The following PHLPP2 variants were observed in gnomAD, a reference collection of about 807,000 sequenced individuals.
PHLPP2 encodes the protein PH domain leucine-rich repeat-containing protein phosphatase 2.
A neutral mutation model predicts 124.9 loss-of-function variants in PHLPP2; 66 were observed. The ratio of observed to expected loss-of-function variants is 0.53; its 90% CI spans 0.43 to 0.65. The LOEUF (loss-of-function observed/expected upper bound fraction) is 0.65, where lower values mean the gene tolerates loss of function less well. Ranked by LOEUF, PHLPP2 falls within the 30% of genes least tolerant of loss-of-function variation. The pLI is 0.00. For missense variants in PHLPP2, 1,685 were observed against 1,600.4 expected (o/e 1.05, Z -0.90); for synonymous variants, 681 against 624.7 (o/e 1.09, Z -1.34).
At chr16:71,653,136 A>C (rs1596986938) in intron 17 of PHLPP2, 115 bp from the exon 18 acceptor site, 1 of 654,618 alleles carries the variant, frequency 1.5e-6, no homozygotes. Context: ...GTGATCGTGA[A>C]CCAGCCTTAC....
intron 1 of PHLPP2, among the ~76,000 whole-genome samples, chr16:71,722,369 G>C (rs1023853746): frequency 1.3e-5 from 2 of 152,168 alleles, no homozygotes; most frequent in Admixed American, 6.5e-5. Flanking sequence ...TGGAGGCAGA[G>C]GTTGCAGAGA....
chr16:71,697,387 G>C (rs1478150088), intron 3 of PHLPP2, among the ~76,000 whole-genome samples: 1 of 151,994 alleles, frequency 6.6e-6, no homozygotes, highest in African/African-American at 2.4e-5. Flanking sequence ...CCATACAATG[G>C]AAGAAAATTT....
chr16:71,716,907 T>C lies in PHLPP2; in HGVS notation c.-6-2106A>G, dbSNP rs998330427. Among the ~76,000 whole-genome samples the C allele has an allele frequency of 2.6e-5, 4 of 152,360 alleles. No homozygotes were observed. The East Asian group carries it at 5.8e-4, about 22-fold the overall frequency. Reference sequence around the variant, plus strand: ...TTCTTCACCTTGAGTACACCTCTAATACTACATCGATGACAATGGGTTTTA... The same window carrying C: ...TTCTTCACCTTGAGTACACCTCTAACACTACATCGATGACAATGGGTTTTA... On this transcript the variant is annotated intron_variant, in intron 1 of 18. Coordinates refer to ENST00000568954, the MANE Select transcript of PHLPP2 (RefSeq NM_015020.3).
chr16:71,692,073 T>C (rs1171381985), intron 3 of PHLPP2, among the ~76,000 whole-genome samples: 2 of 151,986 alleles, frequency 1.3e-5, no homozygotes, highest in African/African-American at 4.8e-5. Flanking sequence ...TATTATTACA[T>C]AATTTTTTTT....
rs142472702 is a variant in PHLPP2 at position 71,652,887 on chromosome 16, C to T, written c.2720G>A (p.Arg907Gln). The T allele has an allele frequency of 6.6e-4, 1,059 of 1,614,110 alleles. No individual in the cohort carries two copies. Among genetic ancestry groups the T allele is most frequent in the Non-Finnish European group, 8.5e-4 (1,005 of 1,180,022 alleles). Residue 907 changes from arginine (R) to glutamine (Q), a missense_variant, in exon 18 of 19, where the codon CGA becomes CAA. Arg to Gln is a conservative substitution (Grantham distance 43). Coordinates refer to ENST00000568954, the MANE Select transcript of PHLPP2 (RefSeq NM_015020.3). Reference sequence around the variant, plus strand: ...AGAGAGGGGCACTGGCTTCCCACCTCGGCACAGGACTGCTTGGCACGTGCC... The same window carrying T: ...AGAGAGGGGCACTGGCTTCCCACCTTGGCACAGGACTGCTTGGCACGTGCC... ...NVGTCQAVLC[R>Q]GGKPVPLSKV...
intron 1 of PHLPP2, among the ~76,000 whole-genome samples, chr16:71,722,134 T>A (rs1199461268): frequency 6.6e-6 from 1 of 152,118 alleles, no homozygotes; most frequent in Non-Finnish European, 1.5e-5. Flanking sequence ...CTCAGCTACT[T>A]AACAAAACTG....
Position 71,724,588 on chromosome 16 carries a change from T to A in PHLPP2, c.-266A>T, listed in dbSNP as rs1264184871. 1 of 152,264 alleles carries A rather than the reference T, an allele frequency of 6.6e-6. No homozygotes were observed. Among genetic ancestry groups the A allele is most frequent in the Non-Finnish European group, 1.5e-5 (1 of 68,066 alleles). 9.4% of individuals were successfully genotyped at this position (152,264 alleles called of 1,614,324 possible). ...CTTCTTTTCTTTTCTTTGTTTTGTT[T>A]TTCTTTTCGTTCTCGCAGTGATAGT... On this transcript the variant is annotated 5_prime_UTR_variant, in exon 1 of 19. Coordinates refer to ENST00000568954, the MANE Select transcript of PHLPP2 (RefSeq NM_015020.3).
chr16:71,658,896 A>T, intron 13 of PHLPP2, 81 bp from the exon 14 acceptor site: 1 of 1,292,106 alleles, frequency 7.7e-7, no homozygotes, highest in Non-Finnish European at 1.1e-6. Flanking sequence ...GCAGCCACAG[A>T]GTACAGAAGG....
intron 17 of PHLPP2, among the ~76,000 whole-genome samples, chr16:71,654,197 C>CAAAAAAGAAAA (rs2044721659): frequency 9.6e-5 from 2 of 20,926 alleles, no homozygotes; most frequent in African/African-American, 2.9e-4. Context: ...GACTCCGTCT[C>CAAAAAAGAAAA]AAAAAAGAAA....
rs2044645046 is a variant in PHLPP2 at position 71,645,130 on chromosome 16, A to G, written c.*3760T>C. ...TGATTGCACAAAACCGTAAGATATG[A>G]GCCCACTGTCTGGATGACATCCACT... On this transcript the variant is annotated 3_prime_UTR_variant, in exon 19 of 19. Transcript: ENST00000568954. 1 of 204,456 alleles carries G rather than the reference A, an allele frequency of 4.9e-6. No homozygotes were observed. The highest frequency in any genetic ancestry group is 6.0e-5 in the Admixed American group (1 of 16,652). The allele number at this position is 204,456 out of a possible 1,614,324, so 12.7% of individuals were successfully genotyped here.
intron 2 of PHLPP2, among the ~76,000 whole-genome samples, chr16:71,708,773 G>A (rs2045303436): frequency 2.0e-5 from 3 of 152,090 alleles, no homozygotes; most frequent in Admixed American, 2.0e-4. Context: ...GCAACAGAAT[G>A]AGACTCCATC....
chr16:71,711,494 A>G (rs951549946), intron 2 of PHLPP2, among the ~76,000 whole-genome samples: 2 of 152,232 alleles, frequency 1.3e-5, no homozygotes, highest in Non-Finnish European at 2.9e-5. Context: ...TACAGAAGAC[A>G]GACGTAGTAT....
At chr16:71,681,710 T>C (rs1228436027) in intron 6 of PHLPP2, 41 bp downstream of exon 6, 1 of 1,506,710 alleles carries the variant, frequency 6.6e-7, no homozygotes, top group African/African-American at 1.4e-5. Context: ...GATTATGAGT[T>C]GGTTTTAACA....
intron 3 of PHLPP2, among the ~76,000 whole-genome samples, chr16:71,701,788 G>A (rs1057118123): frequency 7.2e-5 from 11 of 152,124 alleles, no homozygotes; most frequent in Non-Finnish European, 1.5e-4. Context: ...TATTTTGAGA[G>A]AGAGAACATT....
At chr16:71,700,458 C>T (rs2045219997) in intron 3 of PHLPP2, among the ~76,000 whole-genome samples, 1 of 150,946 alleles carries the variant, frequency 6.6e-6, no homozygotes, top group South Asian at 2.1e-4. Flanking sequence ...TTTGACACTC[C>T]TTTCAAAAAC....
intron 1 of PHLPP2, chr16:71,723,958 C>T: frequency 3.0e-6 from 1 of 328,802 alleles, no homozygotes; most frequent in South Asian, 1.2e-4. Flanking sequence ...CCCCGCCCCC[C>T]GCGGCCCGCC....
intron 3 of PHLPP2, 95 bp from the exon 4 acceptor site, chr16:71,690,804 C>T: frequency 1.2e-6 from 1 of 804,932 alleles, no homozygotes; most frequent in Non-Finnish European, 2.0e-6. Context: ...ATTCAACAAC[C>T]TTATTTATAG....
intron 2 of PHLPP2, among the ~76,000 whole-genome samples, chr16:71,704,093 C>T (rs1247882349): frequency 6.6e-6 from 1 of 151,988 alleles, no homozygotes. Flanking sequence ...GAGGCTGAGG[C>T]GGGCGGATCA....
At chr16:71,696,500 G>C (rs971364444) in intron 3 of PHLPP2, among the ~76,000 whole-genome samples, 1 of 152,084 alleles carries the variant, frequency 6.6e-6, no homozygotes, top group Non-Finnish European at 1.5e-5. Context: ...AGCCAGGCAT[G>C]GTGGTGGGTG....
Sources: allele counts gnomAD v4.1 joint callset (sites outside exome capture counted in the v4.1 genomes callset), GRCh38; gene constraint gnomAD v4.1.1; transcripts MANE v1.5; gene names NCBI Gene and HGNC (gene_info 2026-07-23, HGNC 2026-07-21).